CNBD1: variants seen among roughly 807,000 people sequenced by gnomAD.
CNBD1 encodes cyclic nucleotide-binding domain-containing protein 1.
CNBD1 carries 71 observed loss-of-function variants against 54.4 expected under a neutral mutation model. The ratio of observed to expected loss-of-function variants is 1.30; its 90% CI spans 1.08 to 1.59. The LOEUF (loss-of-function observed/expected upper bound fraction) is 1.59, where lower values mean the gene tolerates loss of function less well. Ranked by LOEUF, CNBD1 falls within the 40% of genes most tolerant of loss-of-function variation. The pLI is 0.00. For synonymous variants in CNBD1, 182 were observed against 170.7 expected (o/e 1.07, Z -0.51); for missense variants, 659 against 518.0 (o/e 1.27, Z -2.64).
Position 86,919,904 on chromosome 8 carries a change from CTG to C in CNBD1, c.272+14714_272+14715del, listed in dbSNP as rs749389640. On this transcript the variant is annotated intron_variant, in intron 3 of 10. Transcript: ENST00000518476. ...AGGGTCTTGAGTGTGGCCTGAGATTCTGTGTTTCTAACAAGCTACCAGCTGAT... is the reference window on the plus strand; with the variant it reads ...AGGGTCTTGAGTGTGGCCTGAGATTCTGTTTCTAACAAGCTACCAGCTGAT... Among the ~76,000 whole-genome samples the C allele has an allele frequency of 1.6e-4, 25 of 152,088 alleles. No individual in the cohort carries two copies. In the East Asian group the frequency reaches 2.1e-3, roughly 13 times the overall value.
At chr8:87,420,164 AT>A (rs533194201) in intron 2 of CNBD1, among the ~76,000 whole-genome samples, 1 of 151,470 alleles carries the variant, frequency 6.6e-6, no homozygotes, top group South Asian at 2.1e-4. Context: ...CTTAGTTTTA[AT>A]TTTTTTTGCT....
At chr8:87,295,655 C>T (rs1163682802) in intron 8 of CNBD1, among the ~76,000 whole-genome samples, 2 of 152,008 alleles carry the variant, frequency 1.3e-5, no homozygotes, top group African/African-American at 4.8e-5. Flanking sequence ...TCACAAATGA[C>T]CATTGCTTCT....
chr8:86,892,687 C>T (rs559831110), intron 2 of CNBD1, among the ~76,000 whole-genome samples: 2 of 152,002 alleles, frequency 1.3e-5, no homozygotes, highest in Admixed American at 1.3e-4. Context: ...ATTAAGAGTT[C>T]GATAGAGACA....
intron 4 of CNBD1, among the ~76,000 whole-genome samples, chr8:87,014,272 G>A (rs1008825413): frequency 2.2e-5 from 1 of 45,558 alleles, no homozygotes; most frequent in African/African-American, 9.1e-5. Context: ...AGAATTGTTA[G>A]CAGTTTTTTT....
rs146725049 is a variant in CNBD1, at chr8:87,031,312, G to A, written c.431+91558G>A. ...TTGGAGTACACCACATCATGGAAAT[G>A]TTGCACATAACTCGTGTGTGCAACA... On this transcript the variant is annotated intron_variant, in intron 4 of 10. Transcript: ENST00000518476. Among the ~76,000 whole-genome samples, 351 of 152,050 alleles carry A rather than the reference G, an allele frequency of 2.3e-3. 7 individuals are homozygous for A. The highest frequency in any genetic ancestry group is 0.022 in the South Asian group (107 of 4,806).
intron 4 of CNBD1, among the ~76,000 whole-genome samples, chr8:87,130,418 A>T (rs554692142): frequency 1.3e-5 from 2 of 152,294 alleles, no homozygotes; most frequent in African/African-American, 4.8e-5. Context: ...CAGCCAAGTC[A>T]TAGTGGATAA....
intron 8 of CNBD1, among the ~76,000 whole-genome samples, chr8:87,340,164 G>A (rs188853491): frequency 2.3e-4 from 35 of 152,184 alleles, no homozygotes; most frequent in Non-Finnish European, 4.0e-4. Context: ...AATTATATTT[G>A]TTGATGGCAC....
At chr8:87,132,501 T>A (rs1056602793) in intron 4 of CNBD1, among the ~76,000 whole-genome samples, 1 of 150,632 alleles carries the variant, frequency 6.6e-6, no homozygotes, top group African/African-American at 2.4e-5. Context: ...TGGACATAAT[T>A]TTTTTTATTT....
intron 4 of CNBD1, among the ~76,000 whole-genome samples, chr8:87,134,079 A>G (rs547464707): frequency 5.1e-4 from 77 of 152,328 alleles, no homozygotes; most frequent in South Asian, 6.2e-4. Context: ...TGGAAAAAGC[A>G]TATTTACTTT....
intron 4 of CNBD1, among the ~76,000 whole-genome samples, chr8:87,135,252 AAT>A (rs374741099): frequency 1.3e-5 from 2 of 151,590 alleles, no homozygotes; most frequent in East Asian, 1.9e-4. Context: ...GATGGTAATG[AAT>A]ATATATATAT....
At chr8:87,375,074 T>C (rs1182973904) in intron 10 of CNBD1, among the ~76,000 whole-genome samples, 1 of 151,916 alleles carries the variant, frequency 6.6e-6, no homozygotes, top group Non-Finnish European at 1.5e-5. Context: ...CAAAAATAAT[T>C]ATACAGTACA....
chr8:87,099,034 CAAAAAAA>C (rs11402011), intron 4 of CNBD1, among the ~76,000 whole-genome samples: 1 of 23,036 alleles, frequency 4.3e-5, no homozygotes, highest in African/African-American at 1.4e-4. Flanking sequence ...GACTGTGTCT[CAAAAAAA>C]AAAAAAAAAA....
At chr8:87,181,183 C>T (rs991210579) in intron 4 of CNBD1, among the ~76,000 whole-genome samples, 6 of 152,104 alleles carry the variant, frequency 3.9e-5, no homozygotes, top group African/African-American at 1.4e-4. Flanking sequence ...TCTATGTCTG[C>T]AGGTTGAATC....
intron 4 of CNBD1, among the ~76,000 whole-genome samples, chr8:87,126,056 A>G (rs773555821): frequency 6.6e-6 from 1 of 151,804 alleles, no homozygotes; most frequent in Non-Finnish European, 1.5e-5. Context: ...ATACATCACC[A>G]TTTGTCTATC....
At chr8:87,091,765 A>G (rs984677551) in intron 4 of CNBD1, among the ~76,000 whole-genome samples, 2 of 151,896 alleles carry the variant, frequency 1.3e-5, no homozygotes, top group African/African-American at 4.8e-5. Flanking sequence ...TGTATCCTTC[A>G]TGTGTAAAGG....
intron 4 of CNBD1, among the ~76,000 whole-genome samples, chr8:87,000,684 C>T (rs1453343654): frequency 6.6e-6 from 1 of 152,142 alleles, no homozygotes; most frequent in East Asian, 1.9e-4. Context: ...AATTGAATAG[C>T]ATCTTAGCTA....
chr8:86,974,809 G>C (rs1415207007), intron 4 of CNBD1, among the ~76,000 whole-genome samples: 1 of 151,858 alleles, frequency 6.6e-6, no homozygotes, highest in Non-Finnish European at 1.5e-5. Flanking sequence ...GATAATGTAT[G>C]TTTATGTTCG....
chr8:86,894,585 C>A (rs1322633340), intron 2 of CNBD1, among the ~76,000 whole-genome samples: 1 of 152,016 alleles, frequency 6.6e-6, no homozygotes, highest in Non-Finnish European at 1.5e-5. Flanking sequence ...GGGCTTTTGA[C>A]AAGTATATAA....
At chr8:87,354,043 T>C (rs112691754) in intron 10 of CNBD1, among the ~76,000 whole-genome samples, 1 of 152,074 alleles carries the variant, frequency 6.6e-6, no homozygotes, top group Non-Finnish European at 1.5e-5. Context: ...ATGCCGAGGT[T>C]TGATGCAGGG....
Sources: gnomAD v4.1 joint callset for allele counts (sites outside exome capture counted in the v4.1 genomes callset) on GRCh38, gnomAD v4.1.1 for gene constraint, MANE v1.5 for transcripts, NCBI Gene and HGNC (gene_info 2026-07-23, HGNC 2026-07-21) for gene names.